The following ANGPT2 variants were observed in gnomAD, a reference collection of about 807,000 sequenced individuals.
ANGPT2 encodes angiopoietin-2.
In ANGPT2, 28 loss-of-function variants were observed where a neutral mutation model predicts 62.9. The observed-to-expected ratio is 0.44, with a 90% CI of 0.33 to 0.61. The LOEUF is 0.61. ANGPT2 is among the 20% of genes least tolerant of loss of function. The pLI, the probability that ANGPT2 is intolerant of heterozygous loss-of-function variation, is 0.03. For synonymous variants in ANGPT2, 284 were observed against 207.8 expected, an observed-to-expected ratio of 1.37 and a Z score of -3.15; for missense variants, 727 against 594.9, an observed-to-expected ratio of 1.22 and a Z score of -2.31.
At chr8:6,535,566 T>G (rs79284642) in intron 1 of ANGPT2, among the ~76,000 whole-genome samples, 6,944 of 152,282 alleles carry the variant, frequency 0.046, 559 homozygotes, top group African/African-American at 0.16. Flanking sequence ...GATGTGTGTA[T>G]ATACAGATAG....
In ANGPT2 at chr8:6,500,576, G is replaced by A. The variant is rs540238464; in HGVS notation, c.*2525C>T. 6.5e-6 allele frequency: 1 copy of A among 153,426 alleles called. No homozygotes were observed. The highest frequency in any genetic ancestry group is 6.5e-5 in the Admixed American group (1 of 15,426). 9.5% of individuals were successfully genotyped at this position (153,426 alleles called of 1,614,324 possible). A position where few individuals can be genotyped will look rare whatever the true frequency, so the allele number is the denominator to read the frequency against. On this transcript the variant is annotated 3_prime_UTR_variant, in exon 9 of 9. Coordinates refer to ENST00000629816, the MANE Select transcript of ANGPT2 (RefSeq NM_001118887.2). ...CTGGTGTTGTTATTTAGCTGTTTGA[G>A]TAGGCCATATGACTAAAACATAACA...
chr8:6,504,266 C>T (rs942635729), intron 8 of ANGPT2, among the ~76,000 whole-genome samples: 2 of 136,472 alleles, frequency 1.5e-5, no homozygotes, highest in African/African-American at 2.8e-5. Flanking sequence ...TGCAGTGAGC[C>T]GAGATCGCGC....
At chr8:6,551,839 C>G (rs538317403) in intron 1 of ANGPT2, among the ~76,000 whole-genome samples, 22 of 152,248 alleles carry the variant, frequency 1.4e-4, no homozygotes, top group African/African-American at 5.3e-4. Context: ...CGTACTTTCT[C>G]GAGCAGAATT....
chr8:6,504,187 G>A (rs1023284283), intron 8 of ANGPT2, among the ~76,000 whole-genome samples: 2 of 151,668 alleles, frequency 1.3e-5, no homozygotes, highest in Non-Finnish European at 2.9e-5. Context: ...GCGTGGTGGC[G>A]GACGCCTGTA....
chr8:6,562,472 G>A (rs752312067), intron 1 of ANGPT2, among the ~76,000 whole-genome samples, 175 bp downstream of exon 1: 2 of 147,714 alleles, frequency 1.4e-5, no homozygotes, highest in Non-Finnish European at 3.0e-5. Flanking sequence ...CACACACCCT[G>A]GGATAGAATA....
chr8:6,562,449 C>T (rs1352947115), intron 1 of ANGPT2, among the ~76,000 whole-genome samples, 198 bp downstream of exon 1: 1 of 151,904 alleles, frequency 6.6e-6, no homozygotes, highest in Non-Finnish European at 1.5e-5. Flanking sequence ...TTATTTTCAC[C>T]CCGGGGACTA....
At chr8:6,527,032 C>G (rs1367421565) in intron 3 of ANGPT2, among the ~76,000 whole-genome samples, 4 of 152,212 alleles carry the variant, frequency 2.6e-5, no homozygotes, top group African/African-American at 7.2e-5. Context: ...ATAAGTGTAG[C>G]TTTCATACTA....
chr8:6,532,691 G>C (rs1819755313), intron 1 of ANGPT2, among the ~76,000 whole-genome samples: 2 of 151,572 alleles, frequency 1.3e-5, no homozygotes, highest in Admixed American at 1.3e-4. Context: ...TGCAAAATCT[G>C]GCAACTTAGT....
Position 6,508,925 on chromosome 8 carries a change from T to C in ANGPT2, c.1327+7A>G. 6.2e-7 allele frequency: 1 copy of C among 1,614,124 alleles called. No homozygotes were observed. Among genetic ancestry groups the C allele is most frequent in the Non-Finnish European group, 8.5e-7 (1 of 1,180,020 alleles). On this transcript the variant is annotated splice_region_variant and intron_variant, in intron 8 of 8. Coordinates refer to ENST00000629816, the MANE Select transcript of ANGPT2 (RefSeq NM_001118887.2). ...ATACAAATAGGAAGACAGAAAGTCATCCCTACCTCCTGTTAGCATTTGTGA... is the reference window on the plus strand; with the variant it reads ...ATACAAATAGGAAGACAGAAAGTCACCCCTACCTCCTGTTAGCATTTGTGA...
In ANGPT2 at chr8:6,513,780, T is replaced by G. The variant is rs766122165; in HGVS notation, c.1094A>C (p.Gln365Pro). The change falls in exon 7 of 9, where the codon CAG (glutamine) becomes CCG (proline). Residue 365 changes from glutamine (Q) to proline (P), a missense_variant. By Grantham distance (76) the Gln-to-Pro change is moderately conservative (BLOSUM62 -1). Transcript: ENST00000629816. The part of the protein sequence containing the change: ...GNEFVSQLTN[Q>P]QRYVLKIHLK... The stretch of plus-strand genomic sequence containing the variant: ...GTGTATTTTAAGCACATAGCGTTGC[T>G]GATTAGTCAGTTGCGAAACAAACTC... 1 of 1,614,134 alleles carries G rather than the reference T, an allele frequency of 6.2e-7. No homozygotes were observed. The highest frequency in any genetic ancestry group is 8.5e-7 in the Non-Finnish European group (1 of 1,180,000).
At chr8:6,519,100 G>A (rs1235188479) in intron 5 of ANGPT2, among the ~76,000 whole-genome samples, 5 of 152,170 alleles carry the variant, frequency 3.3e-5, no homozygotes, top group Admixed American at 1.3e-4. Context: ...GAACTCCGCT[G>A]CTGGAGAAGA....
At chr8:6,522,152 G>C (rs1402126081) in intron 3 of ANGPT2, among the ~76,000 whole-genome samples, 1 of 151,848 alleles carries the variant, frequency 6.6e-6, no homozygotes, top group Non-Finnish European at 1.5e-5. Flanking sequence ...TCGGGAGATT[G>C]AGAGTATCCT....
intron 4 of ANGPT2, 29 bp from the exon 5 acceptor site, chr8:6,520,020 A>G (rs1247904829): frequency 1.2e-6 from 2 of 1,610,106 alleles, no homozygotes; most frequent in Non-Finnish European, 1.7e-6. Context: ...AAGGCATTTA[A>G]ACGGAGTTCA....
rs80324828 is a variant in ANGPT2 at position 6,502,955 on chromosome 8, C to G, written c.*146G>C. 4.8e-3 allele frequency: 4,208 copies of G among 878,218 alleles called. 14 individuals carry two copies. Among genetic ancestry groups the G allele is most frequent in the Middle Eastern group, 6.8e-3 (19 of 2,800 alleles). The allele number at this position is 878,218 out of a possible 1,614,324, so 54.4% of individuals were successfully genotyped here. On this transcript the variant is annotated 3_prime_UTR_variant, in exon 9 of 9. Coordinates refer to ENST00000629816, the MANE Select transcript of ANGPT2 (RefSeq NM_001118887.2). The stretch of plus-strand genomic sequence containing the variant: ...GTTTAAGTGATAAAGTTTACAGGCT[C>G]TAATCTGGAGCATGTGGGTCCCGTC...
intron 1 of ANGPT2, among the ~76,000 whole-genome samples, chr8:6,559,525 T>C (rs1825186867): frequency 2.0e-5 from 3 of 151,376 alleles, no homozygotes; most frequent in African/African-American, 7.3e-5. Flanking sequence ...CAAAAAACGA[T>C]GGCAGAGGAA....
chr8:6,509,003 C>T lies in ANGPT2; in HGVS notation c.1256G>A (p.Gly419Glu), dbSNP rs1293931727. 1 of 1,614,108 alleles carries T rather than the reference C, an allele frequency of 6.2e-7. No homozygotes were observed. The highest frequency in any genetic ancestry group is 8.5e-7 in the Non-Finnish European group (1 of 1,180,026). The change falls in exon 8 of 9, where the codon GGA becomes GAA. Residue 419 changes from glycine to glutamate, a missense_variant. Gly to Glu is a moderately conservative substitution (Grantham distance 98). Transcript: ENST00000629816. ...TCCATCCTTTGTGCTAAAATCATTT[C>T]CTGGTTGGCTGATGCTGCTTATTTT... is the stretch of plus-strand genomic sequence containing the variant. Reference protein sequence around the residue: ...AGKISSISQPGNDFSTKDGDN... With the variant: ...AGKISSISQPENDFSTKDGDN...
At chr8:6,524,980 G>A (rs1233613730) in intron 3 of ANGPT2, among the ~76,000 whole-genome samples, 1 of 152,218 alleles carries the variant, frequency 6.6e-6, no homozygotes, top group East Asian at 1.9e-4. Context: ...GTGCATGTCT[G>A]TCTAGGTGAA....
intron 3 of ANGPT2, among the ~76,000 whole-genome samples, chr8:6,522,629 C>G (rs1474545619): frequency 6.6e-6 from 1 of 151,718 alleles, no homozygotes; most frequent in African/African-American, 2.4e-5. Flanking sequence ...CAAAAATTAG[C>G]CAAGCGTGGG....
At position 6,528,569 on chromosome 8, in the gene ANGPT2, A is replaced by T. The variant is rs547467772; in HGVS notation, c.445-893T>A. Among the ~76,000 whole-genome samples the T allele has an allele frequency of 2.6e-5, 4 of 152,368 alleles. No homozygotes were observed. The South Asian group carries it at 8.3e-4, about 32-fold the overall frequency. On this transcript the variant is annotated intron_variant, in intron 2 of 8. Transcript: ENST00000629816. ...ATCGAAGCCGTATAGCGTGAGTGTGAAGCGGAGCCTCAGCCTTGCCGTGCG... is the reference window on the plus strand; with the variant it reads ...ATCGAAGCCGTATAGCGTGAGTGTGTAGCGGAGCCTCAGCCTTGCCGTGCG...
Sources: allele counts gnomAD v4.1 joint callset (sites outside exome capture counted in the v4.1 genomes callset), GRCh38; gene constraint gnomAD v4.1.1; transcripts MANE v1.5; gene names NCBI Gene and HGNC (gene_info 2026-07-23, HGNC 2026-07-21).